IRAG2: variants seen among roughly 807,000 people sequenced by gnomAD.
IRAG2 encodes lymphoid restricted membrane protein.
In IRAG2, 45 loss-of-function variants were observed where a neutral mutation model predicts 69.9. That is an observed-to-expected ratio of 0.64 (90% CI 0.51 to 0.83). The LOEUF is 0.83. IRAG2 is among the 40% of genes least tolerant of loss of function. The pLI is 0.00. For missense variants in IRAG2, 520 were observed against 587.0 expected, an observed-to-expected ratio of 0.89 and a Z score of 1.18; for synonymous variants, 193 against 202.4, an observed-to-expected ratio of 0.95 and a Z score of 0.40.
At chr12:25,009,816 A>T (rs1944461061) in intron 2 of IRAG2, among the ~76,000 whole-genome samples, 1 of 152,154 alleles carries the variant, frequency 6.6e-6, no homozygotes, top group African/African-American at 2.4e-5. Flanking sequence ...AAAAAAAAAA[A>T]AATCAATGTC....
At chr12:25,027,292 A>G (rs61914762) in intron 9 of IRAG2, among the ~76,000 whole-genome samples, 11,449 of 152,150 alleles carry the variant, frequency 0.075, 537 homozygotes, top group East Asian at 0.23. Context: ...TTTCATATAA[A>G]TTAAATCATA....
upstream of IRAG2, among the ~76,000 whole-genome samples, chr12:25,049,024 T>C (rs11522784): frequency 0.34 from 51,407 of 152,132 alleles, 10,307 homozygotes; most frequent in Admixed American, 0.49. Context: ...TTGCTTGTTT[T>C]TGTCAGGTTT....
intron 9 of IRAG2, among the ~76,000 whole-genome samples, chr12:25,080,680 C>T (rs1186976442): frequency 2.0e-5 from 3 of 151,980 alleles, no homozygotes; most frequent in Admixed American, 6.5e-5. Context: ...CGTTTTAACT[C>T]GACGTTTAAG....
intron 9 of IRAG2, among the ~76,000 whole-genome samples, chr12:25,082,491 T>C (rs11829209): frequency 0.23 from 34,779 of 151,464 alleles, 4,362 homozygotes; most frequent in Admixed American, 0.3. Flanking sequence ...TCCCAGACAC[T>C]TGGGAGGCTG....
upstream of IRAG2, among the ~76,000 whole-genome samples, chr12:24,999,797 T>A (rs973416190): frequency 5.3e-5 from 8 of 150,110 alleles, no homozygotes; most frequent in Non-Finnish European, 1.2e-4. Context: ...ATTTGACATT[T>A]TTCAGGTTGT....
At chr12:25,092,564 CAAAAAAAAA>C (rs55719913) in intron 14 of IRAG2, among the ~76,000 whole-genome samples, 3 of 101,764 alleles carry the variant, frequency 2.9e-5, no homozygotes, top group Non-Finnish European at 3.8e-5. Flanking sequence ...GACTCTATCT[CAAAAAAAAA>C]AAAAAAAAAA....
At chr12:25,102,045 A>T (rs1948784015) in intron 16 of IRAG2, 153 bp from the exon 17 acceptor site, 1 of 706,424 alleles carries the variant, frequency 1.4e-6, no homozygotes, top group East Asian at 2.7e-5. Context: ...ATGAAGAATG[A>T]AATGAATGAT....
intron 6 of IRAG2, among the ~76,000 whole-genome samples, chr12:25,018,418 T>G (rs1057363364): frequency 1.3e-5 from 2 of 151,878 alleles, no homozygotes; most frequent in Admixed American, 6.6e-5. Flanking sequence ...GTTGCCCAGG[T>G]TGGTCTACAA....
intron 1 of IRAG2, among the ~76,000 whole-genome samples, chr12:25,053,218 T>C (rs2139889045): frequency 6.6e-6 from 1 of 151,872 alleles, no homozygotes; most frequent in African/African-American, 2.4e-5. Flanking sequence ...CTTTTAAAAT[T>C]AATTAAAACT....
chr12:25,103,006 T>C (rs1592105510), intron 17 of IRAG2: 2 of 152,372 alleles, frequency 1.3e-5, no homozygotes, highest in East Asian at 3.9e-4. Context: ...GATCATGTAT[T>C]GGTAGAAGCA....
At chr12:25,010,288 G>A (rs1316923344) in intron 2 of IRAG2, among the ~76,000 whole-genome samples, 1 of 152,104 alleles carries the variant, frequency 6.6e-6, no homozygotes, top group Admixed American at 6.5e-5. Flanking sequence ...ACCAGCCTGG[G>A]CAACATGGTG....
At chr12:25,021,078 C>A in intron 7 of IRAG2, 2 of 358,290 alleles carry the variant, frequency 5.6e-6, no homozygotes, top group East Asian at 4.0e-5. Context: ...TTTTCCTTTT[C>A]TTTCTTTCTT....
chr12:25,001,317 C>T (rs1202081981), upstream of IRAG2, among the ~76,000 whole-genome samples: 3 of 151,928 alleles, frequency 2.0e-5, no homozygotes, highest in South Asian at 2.1e-4. Context: ...TGATGGTGCA[C>T]GCCTGTGGTC....
At chr12:25,083,349 C>T (rs1947352370) in intron 9 of IRAG2, 74 bp from the exon 10 acceptor site, 1 of 891,568 alleles carries the variant, frequency 1.1e-6, no homozygotes, top group Admixed American at 1.7e-5. Flanking sequence ...CCCATATTGC[C>T]ACTCTCACTG....
chr12:25,089,534 T>C (rs1947882920), intron 11 of IRAG2, 80 bp from the exon 12 acceptor site: 5 of 764,988 alleles, frequency 6.5e-6, no homozygotes, highest in Non-Finnish European at 1.1e-5. Flanking sequence ...TTTTGTTTAG[T>C]GGAGATATAA....
At chr12:25,037,066 T>C (rs891207520) in intron 15 of IRAG2, among the ~76,000 whole-genome samples, 8 of 152,200 alleles carry the variant, frequency 5.3e-5, no homozygotes, top group Admixed American at 3.9e-4. Flanking sequence ...TTTGACGGTT[T>C]TACTATCTCA....
chr12:25,024,727 T>C (rs1030132577), intron 8 of IRAG2, among the ~76,000 whole-genome samples: 8 of 152,186 alleles, frequency 5.3e-5, no homozygotes, highest in African/African-American at 1.7e-4. Flanking sequence ...CAATTAAAGT[T>C]TGGAAAGAAA....
intron 3 of IRAG2, among the ~76,000 whole-genome samples, chr12:25,063,466 T>C (rs1945765806): frequency 1.3e-5 from 2 of 152,216 alleles, no homozygotes; most frequent in African/African-American, 4.8e-5. Context: ...TTATTTGGAG[T>C]TGATGATGTT....
At chr12:25,020,682 C>A (rs1034217066) in intron 6 of IRAG2, 1 of 420,964 alleles carries the variant, frequency 2.4e-6, no homozygotes, top group Non-Finnish European at 4.0e-6. Flanking sequence ...CTGGTTTAAG[C>A]CTTTAGTGGT....
Sources: allele counts gnomAD v4.1 joint callset (sites outside exome capture counted in the v4.1 genomes callset), GRCh38; gene constraint gnomAD v4.1.1; transcripts MANE v1.5; gene names NCBI Gene and HGNC (gene_info 2026-07-23, HGNC 2026-07-21).